Variants in PCDHGA2 observed in about 807,000 individuals in gnomAD.
PCDHGA2 encodes the protein protocadherin gamma subfamily A, 2.
A neutral mutation model predicts 59.2 loss-of-function variants in PCDHGA2; 40 were observed. That is an observed-to-expected ratio of 0.68 (90% confidence interval 0.52 to 0.88). The LOEUF (loss-of-function observed/expected upper bound fraction) is 0.88. PCDHGA2 is among the 40% of genes least tolerant of loss of function. PCDHGA2 has a pLI of 0.00. For missense variants in PCDHGA2, 1,226 were observed against 1,204.0 expected (o/e 1.02, Z -0.27); for synonymous variants, 560 against 526.0 (o/e 1.06, Z -0.89).
chr5:141,361,847 G>C (rs763425262), intron 1 of PCDHGA2: 9 of 1,612,662 alleles, frequency 5.6e-6, no homozygotes. Flanking sequence ...GGGCCTGATG[G>C]CTCCGCCCTC....
chr5:141,374,406 T>C (rs748431130), intron 1 of PCDHGA2: 8 of 1,614,018 alleles, frequency 5.0e-6, no homozygotes, highest in Non-Finnish European at 6.8e-6. Context: ...AGTTTTAACA[T>C]CCTTGTCGAG....
Position 141,405,365 on chromosome 5 carries a change from C to T in PCDHGA2, c.2424+63970C>T, listed in dbSNP as rs773382376. 2.5e-6 allele frequency: 4 copies of T among 1,613,614 alleles called. No homozygotes were observed. The Admixed American group carries it at 5.0e-5, about 20-fold the overall frequency. On this transcript the variant is annotated intron_variant, in intron 1 of 3. Transcript: ENST00000394576. ...TTCCAAGTTTCCTATAGAAGACACC[C>T]CTTTGGTTCCGGTGAGTTCATTTTT...
At chr5:141,478,177 A>G (rs769503109) in intron 1 of PCDHGA2, 1 of 1,613,988 alleles carries the variant, frequency 6.2e-7, no homozygotes, top group South Asian at 1.1e-5. Context: ...GGGAGCAGAA[A>G]AAAAATCTCA....
chr5:141,398,855 A>C, intron 1 of PCDHGA2: 1 of 1,613,970 alleles, frequency 6.2e-7, no homozygotes, highest in Non-Finnish European at 8.5e-7. Context: ...CCGGTATTCA[A>C]CCGAGACGTG....
chr5:141,382,942 C>G, intron 1 of PCDHGA2: 1 of 1,595,524 alleles, frequency 6.3e-7, no homozygotes, highest in African/African-American at 1.3e-5. Flanking sequence ...AGGATTCTTC[C>G]TGCTCTCCAT....
intron 1 of PCDHGA2, chr5:141,427,468 C>T: frequency 2.0e-6 from 1 of 509,312 alleles, no homozygotes; most frequent in Middle Eastern, 3.0e-4. Flanking sequence ...ATCGAATCTT[C>T]CGCCAATAAT....
rs1756804698 is a variant in PCDHGA2 at position 141,339,063 on chromosome 5, T to TTCGC, written c.94_97dup (p.Tyr33SerfsTer40). 1 of 1,612,714 alleles carries TTCGC rather than the reference T, an allele frequency of 6.2e-7. No homozygotes were observed. Among genetic ancestry groups the TTCGC allele is most frequent in the Admixed American group, 1.7e-5 (1 of 59,986 alleles). Reference sequence around the variant, plus strand: ...CTGTGGGAGGCCAGGGCCGGGCAGATTCGCTATTCTGTGCGGGAAGAGATC... The same window carrying TTCGC: ...CTGTGGGAGGCCAGGGCCGGGCAGATTCGCTCGCTATTCTGTGCGGGAAGAGATC... On this transcript the variant is annotated frameshift_variant, in exon 1 of 4. Coordinates refer to ENST00000394576, the MANE Select transcript of PCDHGA2 (RefSeq NM_018915.4). LOFTEE classifies it high-confidence loss of function.
At chr5:141,494,326 G>C (rs2154591458) in intron 1 of PCDHGA2, among the ~76,000 whole-genome samples, 1 of 152,312 alleles carries the variant, frequency 6.6e-6, no homozygotes, top group Middle Eastern at 3.4e-3. Context: ...GGCACCAAAA[G>C]GGTTACCAAG....
intron 1 of PCDHGA2, chr5:141,382,788 ATCCT>A: frequency 1.1e-6 from 1 of 917,668 alleles, no homozygotes; most frequent in Non-Finnish European, 1.7e-6. Flanking sequence ...TCAAGCCTCT[ATCCT>A]GCTGGATTCT....
At chr5:141,375,298 G>A in intron 1 of PCDHGA2, 3 of 1,613,794 alleles carry the variant, frequency 1.9e-6, no homozygotes, top group Non-Finnish European at 1.7e-6. Flanking sequence ...ATCGATTAGT[G>A]ACAAATGCAG....
At chr5:141,371,579 T>C in intron 1 of PCDHGA2, 2 of 1,613,852 alleles carry the variant, frequency 1.2e-6, no homozygotes, top group Non-Finnish European at 1.7e-6. Context: ...TTAAAATCGT[T>C]CAAGATACCA....
intron 1 of PCDHGA2, chr5:141,375,062 C>T (rs377179051): frequency 5.6e-6 from 9 of 1,613,878 alleles, no homozygotes; most frequent in Non-Finnish European, 7.6e-6. Context: ...TGGGCCAGGT[C>T]TTCGAGACAG....
At position 141,372,796 on chromosome 5, in the gene PCDHGA2, G is replaced by A. The variant is rs1466519427; in HGVS notation, c.2424+31401G>A. ...AATCCAGAAATGCCTTCTAATTCAG[G>A]CAATTTGCAAAAGGTGAGTTTCTTC... On this transcript the variant is annotated intron_variant, in intron 1 of 3. Coordinates refer to ENST00000394576, the MANE Select transcript of PCDHGA2 (RefSeq NM_018915.4). 7.5e-6 allele frequency: 12 copies of A among 1,597,700 alleles called. No individual in the cohort carries two copies. Among genetic ancestry groups the A allele is most frequent in the Non-Finnish European group, 1.0e-5 (12 of 1,171,762 alleles).
At chr5:141,463,335 A>G (rs565781645) in intron 1 of PCDHGA2, among the ~76,000 whole-genome samples, 3 of 149,628 alleles carry the variant, frequency 2.0e-5, no homozygotes, top group South Asian at 2.1e-4. Context: ...CAGCAAAACC[A>G]TGGTGTTATT....
chr5:141,399,469 T>G, intron 1 of PCDHGA2: 1 of 1,614,000 alleles, frequency 6.2e-7, no homozygotes. Flanking sequence ...CGCTCCGGTT[T>G]TCCACCAGGC....
chr5:141,357,752 T>C (rs1760725743), intron 1 of PCDHGA2: 3 of 1,127,116 alleles, frequency 2.7e-6, no homozygotes, highest in Non-Finnish European at 3.7e-6. Context: ...TAAAGAAAAC[T>C]GGTGGATGAC....
intron 1 of PCDHGA2, chr5:141,366,197 A>G (rs1561536841): frequency 6.2e-7 from 1 of 1,613,780 alleles, no homozygotes. Context: ...TGGGCTGCAC[A>G]CGGGCGAGGT....
At chr5:141,448,710 G>T (rs897054829) in intron 1 of PCDHGA2, among the ~76,000 whole-genome samples, 1 of 152,162 alleles carries the variant, frequency 6.6e-6, no homozygotes, top group Non-Finnish European at 1.5e-5. Flanking sequence ...GGAGGCCGAG[G>T]CGGGAGGATC....
rs143252334 is a variant in PCDHGA2 at position 141,431,395 on chromosome 5, T to A, written c.2425-63412T>A. On this transcript the variant is annotated intron_variant, in intron 1 of 3. Transcript: ENST00000394576. The surrounding 1 kb of genome is among the most constrained non-coding windows in gnomAD (Gnocchi z 4.8). ...AAAAGGCTGCTCACCACCTGGTCCT[T>A]ACGGCCTCCGACGGGGGCGACCCGG... 2 of 1,613,720 alleles carry A rather than the reference T, an allele frequency of 1.2e-6. No individual in the cohort carries two copies. Among genetic ancestry groups the A allele is most frequent in the African/African-American group, 2.7e-5 (2 of 74,950 alleles).
Sources: gnomAD v4.1 joint callset for allele counts (sites outside exome capture counted in the v4.1 genomes callset) on GRCh38, gnomAD v4.1.1 for gene constraint, Gnocchi (gnomAD v3.1) non-coding constraint, MANE v1.5 for transcripts, NCBI Gene and HGNC (gene_info 2026-07-23, HGNC 2026-07-21) for gene names.